Variants in RAB11FIP4 observed in about 807,000 individuals in gnomAD.
RAB11FIP4 encodes rab11 family-interacting protein 4.
Under a neutral mutation model 74.3 loss-of-function variants are expected in RAB11FIP4, and 23 were observed. The observed-to-expected ratio is 0.31, with a 90% CI of 0.22 to 0.44. The LOEUF (loss-of-function observed/expected upper bound fraction) is 0.44. Among genes scored for constraint, RAB11FIP4 ranks in the 20% least tolerant of loss-of-function variants. The pLI, the probability that RAB11FIP4 is intolerant of heterozygous loss-of-function variation, is 1.00. For missense variants in RAB11FIP4, 630 were observed against 863.9 expected (o/e 0.73, Z 3.39); for synonymous variants, 360 against 359.9 (o/e 1.00, Z 0.00).
intron 3 of RAB11FIP4, among the ~76,000 whole-genome samples, chr17:31,504,197 C>T (rs1009887867): frequency 2.0e-5 from 3 of 147,242 alleles, no homozygotes; most frequent in African/African-American, 8.1e-5. Flanking sequence ...GTGGCGCGAC[C>T]TCGGCTCACT....
At chr17:31,497,633 A>G (rs953777589) in intron 3 of RAB11FIP4, among the ~76,000 whole-genome samples, 14 of 152,076 alleles carry the variant, frequency 9.2e-5, no homozygotes, top group Non-Finnish European at 1.9e-4. Flanking sequence ...GCACATGACA[A>G]GGCTGCACAG....
intron 4 of RAB11FIP4, 164 bp from the exon 5 acceptor site, chr17:31,521,002 T>C: frequency 4.0e-6 from 2 of 500,418 alleles, no homozygotes; most frequent in Non-Finnish European, 3.5e-6. Context: ...TGTGGTGAGA[T>C]GTTTCCCTTT....
At chr17:31,458,177 C>T (rs913129716) in intron 3 of RAB11FIP4, among the ~76,000 whole-genome samples, 1 of 152,196 alleles carries the variant, frequency 6.6e-6, no homozygotes, top group Non-Finnish European at 1.5e-5. Flanking sequence ...GCATCTGATC[C>T]AGTTGCCTCA....
chr17:31,398,627 G>T (rs767962394), intron 1 of RAB11FIP4, among the ~76,000 whole-genome samples: 1 of 152,220 alleles, frequency 6.6e-6, no homozygotes, highest in African/African-American at 2.4e-5. Flanking sequence ...CCTTATGGGC[G>T]TCCAGCCCAT....
intron 1 of RAB11FIP4, among the ~76,000 whole-genome samples, chr17:31,393,285 C>T (rs1490122007): frequency 1.3e-5 from 2 of 152,268 alleles, no homozygotes; most frequent in African/African-American, 4.8e-5. Flanking sequence ...CATGACCCTT[C>T]TTCCCCAAAG....
intron 1 of RAB11FIP4, among the ~76,000 whole-genome samples, chr17:31,426,943 T>A (rs916820169): frequency 1.3e-5 from 2 of 151,868 alleles, no homozygotes; most frequent in Non-Finnish European, 2.9e-5. Context: ...TCAGTGTGCC[T>A]GGCCATTTTT....
Position 31,521,287 on chromosome 17 carries a change from C to T in RAB11FIP4, c.685C>T (p.Pro229Ser). 1 of 1,614,008 alleles carries T rather than the reference C, an allele frequency of 6.2e-7. No individual in the cohort carries two copies. The highest frequency in any genetic ancestry group is 1.1e-5 in the South Asian group (1 of 91,062). ...YGEGDDVDCA[P>S]SSPCPDDETR... ...GGAGGGTGACGATGTGGACTGTGCC[C>T]CCAGCAGCCCTTGCCCCGATGATGA... The change falls in exon 5 of 15, where the codon CCC becomes TCC. Residue 229 changes from proline to serine, a missense_variant. Pro to Ser is a moderately conservative substitution (Grantham distance 74). Transcript: ENST00000621161.
chr17:31,416,717 G>T (rs2071151570), intron 1 of RAB11FIP4, among the ~76,000 whole-genome samples: 2 of 152,172 alleles, frequency 1.3e-5, no homozygotes, highest in Non-Finnish European at 2.9e-5. Context: ...ACAGAGCTAG[G>T]GGCAGTTGGA....
At chr17:31,400,824 A>G (rs1363349214) in intron 1 of RAB11FIP4, among the ~76,000 whole-genome samples, 1 of 152,170 alleles carries the variant, frequency 6.6e-6, no homozygotes, top group Non-Finnish European at 1.5e-5. Flanking sequence ...GTGGCGATGG[A>G]CAGGTCTGGG....
chr17:31,487,481 G>A (rs1555547063), intron 3 of RAB11FIP4, among the ~76,000 whole-genome samples: 1 of 151,316 alleles, frequency 6.6e-6, no homozygotes, highest in African/African-American at 2.4e-5. Flanking sequence ...TGGTTCTTTA[G>A]TTCTCGTTGC....
intron 1 of RAB11FIP4, among the ~76,000 whole-genome samples, chr17:31,400,310 C>T (rs542559081): frequency 6.6e-6 from 1 of 152,292 alleles, no homozygotes; most frequent in East Asian, 1.9e-4. Flanking sequence ...ATGGGGGCTG[C>T]ACCTTGCATA....
chr17:31,517,725 CGAG>C lies in RAB11FIP4; in HGVS notation c.419_421del (p.Glu140del), dbSNP rs756049932. 1.2e-6 allele frequency: 2 copies of C among 1,601,354 alleles called. No individual in the cohort carries two copies. The highest frequency in any genetic ancestry group is 8.5e-7 in the Non-Finnish European group (1 of 1,174,662). ...GGGAACCCGGCTTTTTTCCCGAGGA[CGAG>C]GAGGAGGCTATGACGCTGGCGCCAC... On this transcript the variant is annotated inframe_deletion, in exon 4 of 15. Transcript: ENST00000621161.
At chr17:31,495,117 C>A (rs998386139) in intron 3 of RAB11FIP4, among the ~76,000 whole-genome samples, 22 of 152,212 alleles carry the variant, frequency 1.4e-4, no homozygotes, top group Non-Finnish European at 2.8e-4. Flanking sequence ...CCACTGCCAG[C>A]CCCCAGCATC....
rs751342010 is a variant in RAB11FIP4 at position 31,429,828 on chromosome 17, C to CAAA, written c.160-1965_160-1963dup. On this transcript the variant is annotated intron_variant, in intron 1 of 14. Transcript: ENST00000621161. ...TGGGCAACAGAGCGAGATTCCATCTCAAAAAAAAAAAAAAAAAAAAAAGAA... is the reference window on the plus strand; with the variant it reads ...TGGGCAACAGAGCGAGATTCCATCTCAAAAAAAAAAAAAAAAAAAAAAAAAGAA... Among the ~76,000 whole-genome samples, 231 of 79,672 alleles carry CAAA rather than the reference C, an allele frequency of 2.9e-3. 6 individuals are homozygous for CAAA. The highest frequency in any genetic ancestry group is 3.7e-3 in the Admixed American group (25 of 6,710). 52.3% of individuals were successfully genotyped at this position (79,672 alleles called of 152,430 possible).
intron 3 of RAB11FIP4, among the ~76,000 whole-genome samples, chr17:31,435,760 G>T (rs896958035): frequency 6.6e-6 from 1 of 152,230 alleles, no homozygotes; most frequent in Non-Finnish European, 1.5e-5. Context: ...ACAGTGCTGA[G>T]GGCTGCCAAG....
rs576904367 is a variant in RAB11FIP4 at position 31,531,883 on chromosome 17, G to A, written c.*151G>A. The A allele has an allele frequency of 4.6e-6, 3 of 649,506 alleles. No individual in the cohort carries two copies. Among genetic ancestry groups the A allele is most frequent in the Middle Eastern group, 4.1e-4 (1 of 2,458 alleles). 40.2% of individuals were successfully genotyped at this position (649,506 alleles called of 1,614,324 possible). On this transcript the variant is annotated 3_prime_UTR_variant, in exon 15 of 15. Transcript: ENST00000621161. The stretch of plus-strand genomic sequence containing the variant: ...CGTGTACCCGTGTATATGTGGGGAG[G>A]CTGTGCACACGAGCGAGGGGTGAGT...
At chr17:31,397,712 T>C (rs2070943850) in intron 1 of RAB11FIP4, among the ~76,000 whole-genome samples, 1 of 152,068 alleles carries the variant, frequency 6.6e-6, no homozygotes, top group Non-Finnish European at 1.5e-5. Flanking sequence ...CCTTGGGGCC[T>C]GGGGATGGGC....
intron 3 of RAB11FIP4, among the ~76,000 whole-genome samples, chr17:31,450,437 G>A (rs1597923958): frequency 6.6e-6 from 1 of 151,484 alleles, no homozygotes; most frequent in Non-Finnish European, 1.5e-5. Flanking sequence ...CTCCGCCTCC[G>A]GGGTTCAAGC....
intron 3 of RAB11FIP4, among the ~76,000 whole-genome samples, chr17:31,505,653 TATA>T (rs1329879214): frequency 5.2e-5 from 4 of 77,530 alleles, no homozygotes; most frequent in African/African-American, 1.2e-4. Context: ...ATATATAATA[TATA>T]ATAATTATAT....
Sources: allele counts gnomAD v4.1 joint callset (sites outside exome capture counted in the v4.1 genomes callset), GRCh38; gene constraint gnomAD v4.1.1; transcripts MANE v1.5; gene names NCBI Gene and HGNC (gene_info 2026-07-23, HGNC 2026-07-21).